OPALIN: variants seen among roughly 807,000 people sequenced by gnomAD.
OPALIN encodes the protein oligodendrocytic myelin paranodal and inner loop protein, also known as transmembrane protein 10.
OPALIN carries 15 observed loss-of-function variants against 17.8 expected under a neutral mutation model. The ratio of observed to expected loss-of-function variants is 0.84; its 90% confidence interval spans 0.56 to 1.29. OPALIN has a LOEUF of 1.29. Ranked by LOEUF, OPALIN falls within the 50% of genes most tolerant of loss-of-function variation. The pLI is 0.00. For missense variants in OPALIN, 170 were observed against 176.0 expected (o/e 0.97, Z 0.19); for synonymous variants, 62 against 63.8 (o/e 0.97, Z 0.14).
intron 1 of OPALIN, chr10:96,356,973 C>G (rs1845848005): frequency 3.0e-6 from 3 of 985,486 alleles, no homozygotes; most frequent in Non-Finnish European, 3.6e-6. Context: ...CTCCAGTAGT[C>G]TCTGTGGATG....
intron 3 of OPALIN, among the ~76,000 whole-genome samples, chr10:96,350,173 T>C (rs1309116615): frequency 3.3e-5 from 5 of 152,214 alleles, no homozygotes; most frequent in South Asian, 2.1e-4. Flanking sequence ...TTAGATGTCA[T>C]TTTCACCTGT....
intron 5 of OPALIN, among the ~76,000 whole-genome samples, chr10:96,347,575 G>A (rs1212271730): frequency 8.6e-5 from 13 of 151,720 alleles, no homozygotes; most frequent in East Asian, 3.9e-4. Context: ...AGGTTCAAGC[G>A]ATTCTCTTCC....
In OPALIN at chr10:96,344,914, A is replaced by G. The variant is rs549225698; in HGVS notation, c.*1027T>C. 6.6e-6 allele frequency: 1 copy of G among 152,356 alleles called. No homozygotes were observed. The highest frequency in any genetic ancestry group is 1.9e-4 in the East Asian group (1 of 5,184). The allele number at this position is 152,356 out of a possible 1,614,324, so 9.4% of individuals were successfully genotyped here. On this transcript the variant is annotated 3_prime_UTR_variant, in exon 6 of 6. Transcript: ENST00000371172. ...TCAACATTAACATCTTTAAGGTTAA[A>G]TGTAACACCACCAGTCTCTGTATTT...
intron 3 of OPALIN, 85 bp downstream of exon 3, chr10:96,351,293 C>T: frequency 1.2e-6 from 1 of 839,282 alleles, no homozygotes; most frequent in Non-Finnish European, 1.9e-6. Flanking sequence ...GTTCACCTAT[C>T]AAACTTTAAA....
intron 5 of OPALIN, 100 bp from the exon 6 acceptor site, chr10:96,346,217 C>A: frequency 1.1e-6 from 1 of 936,968 alleles, no homozygotes; most frequent in Non-Finnish European, 1.7e-6. Context: ...CTGAAATAAC[C>A]AAAATCAGAC....
chr10:96,351,787 C>T (rs1845595918), intron 2 of OPALIN, among the ~76,000 whole-genome samples: 1 of 152,150 alleles, frequency 6.6e-6, no homozygotes, highest in African/African-American at 2.4e-5. Context: ...AAGCAAGGCT[C>T]TTTAAGGAAG....
intron 3 of OPALIN, among the ~76,000 whole-genome samples, chr10:96,350,400 G>A (rs1363435473): frequency 6.6e-6 from 1 of 152,166 alleles, no homozygotes; most frequent in Non-Finnish European, 1.5e-5. Context: ...ATTTTTAGTA[G>A]AGATGGGGTT....
chr10:96,357,422 A>C lies in OPALIN; in HGVS notation c.3+1472T>G, dbSNP rs572064932. Among the ~76,000 whole-genome samples the C allele has an allele frequency of 8.5e-5, 13 of 152,338 alleles. 1 individual carries two copies. The highest frequency in any genetic ancestry group is 3.1e-4 in the African/African-American group (13 of 41,568). The stretch of plus-strand genomic sequence containing the variant: ...ATTAGGGTGGAGAAGAATCTGATGC[A>C]GTGCCCTTCAGAGACACAGCTGAGT... On this transcript the variant is annotated intron_variant, in intron 1 of 5. Coordinates refer to ENST00000371172, the MANE Select transcript of OPALIN (RefSeq NM_033207.5).
At chr10:96,358,329 C>G (rs1217060212) in intron 1 of OPALIN, among the ~76,000 whole-genome samples, 2 of 151,958 alleles carry the variant, frequency 1.3e-5, no homozygotes, top group African/African-American at 4.8e-5. Flanking sequence ...GGCAGGGTCT[C>G]CTCCTATTCT....
intron 2 of OPALIN, among the ~76,000 whole-genome samples, chr10:96,354,333 T>C (rs2134028509): frequency 6.6e-6 from 1 of 152,358 alleles, no homozygotes; most frequent in Non-Finnish European, 1.5e-5. Context: ...CCATAAAATG[T>C]TCATTCTTGT....
At chr10:96,357,161 A>G in intron 1 of OPALIN, 5 of 985,448 alleles carry the variant, frequency 5.1e-6, no homozygotes, top group Non-Finnish European at 6.0e-6. Flanking sequence ...CGCTGCACTG[A>G]ATGCAGCTGC....
chr10:96,346,835 T>G (rs1427889645), intron 5 of OPALIN, among the ~76,000 whole-genome samples: 1 of 152,194 alleles, frequency 6.6e-6, no homozygotes, highest in Non-Finnish European at 1.5e-5. Context: ...AACCAAAGTT[T>G]TATTATTTTC....
intron 4 of OPALIN, among the ~76,000 whole-genome samples, chr10:96,348,619 T>C (rs1206049228): frequency 6.6e-6 from 1 of 152,234 alleles, no homozygotes; most frequent in Non-Finnish European, 1.5e-5. Context: ...ATTGGGTTCA[T>C]TATACTATCC....
At position 96,349,375 on chromosome 10, in the gene OPALIN, C is replaced by T. The variant is rs187783900; in HGVS notation, c.192+332G>A. 3.5e-4 allele frequency among the ~76,000 whole-genome samples: 53 copies of T among 152,262 alleles called. No individual in the cohort carries two copies. The East Asian group carries it at 7.7e-3, about 22-fold the overall frequency. Reference sequence around the variant, plus strand: ...CCATCCTTTCTTTGTGAAGCTTGTGCGCTTTTGTTTCTCAACTTTAGAAAG... The same window carrying T: ...CCATCCTTTCTTTGTGAAGCTTGTGTGCTTTTGTTTCTCAACTTTAGAAAG... On this transcript the variant is annotated intron_variant, in intron 4 of 5. Transcript: ENST00000371172.
In OPALIN at chr10:96,353,239, C is replaced by A. The variant is rs1486301458; in HGVS notation, c.40-1829G>T. Reference sequence around the variant, plus strand: ...TTCATACTTGACAGTTCAGTATGGACTGAACTGACAAATAGACTGAACCTG... The same window carrying A: ...TTCATACTTGACAGTTCAGTATGGAATGAACTGACAAATAGACTGAACCTG... On this transcript the variant is annotated intron_variant, in intron 2 of 5. Coordinates refer to ENST00000371172, the MANE Select transcript of OPALIN (RefSeq NM_033207.5). Among the ~76,000 whole-genome samples the A allele has an allele frequency of 5.9e-5, 9 of 152,290 alleles. No homozygotes were observed. In the East Asian group the frequency reaches 1.5e-3, roughly 26 times the overall value.
In OPALIN at chr10:96,344,678, A is replaced by G. The variant is rs1845235995; in HGVS notation, c.*1263T>C. ...CTCAGCAAGCTGAAGCGGCAATGCT[A>G]TGCGTGGGCTTAAGGGCTCTTGTTT... On this transcript the variant is annotated 3_prime_UTR_variant, in exon 6 of 6. Transcript: ENST00000371172. 6.6e-6 allele frequency: 1 copy of G among 152,128 alleles called. No homozygotes were observed. 9.4% of individuals were successfully genotyped at this position (152,128 alleles called of 1,614,324 possible).
chr10:96,358,499 C>T (rs80104494), intron 1 of OPALIN, among the ~76,000 whole-genome samples: 1,983 of 152,178 alleles, frequency 0.013, 38 homozygotes, highest in African/African-American at 0.045. Flanking sequence ...TGAGTCACAA[C>T]AAAATATTTA....
In OPALIN at chr10:96,343,942, T is replaced by A. The variant is rs1845201209; in HGVS notation, c.*1999A>T. On this transcript the variant is annotated 3_prime_UTR_variant, in exon 6 of 6. Transcript: ENST00000371172. ...ACCCAGGCCTTCCCACTGGGAGGCC[T>A]GGCCTGCTAGAGGGCAATGGCTATA... The A allele has an allele frequency of 6.6e-6, 1 of 152,216 alleles. No homozygotes were observed. The allele number at this position is 152,216 out of a possible 1,614,324, so 9.4% of individuals were successfully genotyped here. A position where few individuals can be genotyped will look rare whatever the true frequency, so the allele number is the denominator to read the frequency against.
intron 2 of OPALIN, chr10:96,353,433 G>A (rs766104344): frequency 6.2e-7 from 1 of 1,613,498 alleles, no homozygotes. Context: ...TGACTTCCAG[G>A]CAGGATGACC....
Sources: allele counts gnomAD v4.1 joint callset (sites outside exome capture counted in the v4.1 genomes callset), GRCh38; gene constraint gnomAD v4.1.1; transcripts MANE v1.5; gene names NCBI Gene and HGNC (gene_info 2026-07-23, HGNC 2026-07-21).